Variants in MPP3 observed in about 807,000 individuals in gnomAD.
MPP3 encodes the protein MAGUK p55 scaffold protein 3, also known as MAGUK p55 subfamily member 3.
MPP3 carries 48 observed loss-of-function variants against 80.7 expected under a neutral mutation model. The observed-to-expected ratio is 0.59, with a 90% CI of 0.47 to 0.76. The LOEUF is 0.76. MPP3 is among the 30% of genes least tolerant of loss of function. The probability of loss-of-function intolerance (pLI) is 0.00; values close to 1 mark genes in which losing one functional copy is unlikely to be tolerated. For synonymous variants in MPP3, 311 were observed against 297.6 expected (o/e 1.04, Z -0.46); for missense variants, 620 against 763.0 (o/e 0.81, Z 2.21).
rs374186304 is a variant in MPP3 at position 43,827,249 on chromosome 17, C to T, written c.523+502G>A. The stretch of plus-strand genomic sequence containing the variant: ...CAGGCTGGTCTCGAACTCCCGACCT[C>T]AGGTGATCCGCCCACCTCGGCCTCC... On this transcript the variant is annotated intron_variant, in intron 8 of 19. Transcript: ENST00000398389. Among the ~76,000 whole-genome samples, 115 of 151,558 alleles carry T rather than the reference C, an allele frequency of 7.6e-4. 2 individuals carry two copies. The South Asian group carries it at 0.023, about 31-fold the overall frequency.
rs546226526 is a variant in MPP3 at position 43,825,845 on chromosome 17, G to A, written c.524-4C>T. 6.3e-7 allele frequency: 1 copy of A among 1,583,110 alleles called. No individual in the cohort carries two copies. Among genetic ancestry groups the A allele is most frequent in the South Asian group, 1.1e-5 (1 of 90,432 alleles). ...TCATCTCCAACGTGGACCAGGCCTA[G>A]GAGACACAGGGACTGACCATCAGCA... On this transcript the variant is annotated splice_region_variant and splice_polypyrimidine_tract_variant and intron_variant, in intron 8 of 19. Coordinates refer to ENST00000398389, the MANE Select transcript of MPP3 (RefSeq NM_001932.6).
At chr17:43,827,329 CTT>C (rs1197926220) in intron 8 of MPP3, among the ~76,000 whole-genome samples, 4 of 99,002 alleles carry the variant, frequency 4.0e-5, no homozygotes, top group Non-Finnish European at 4.0e-5. Flanking sequence ...TTTTTTTTTT[CTT>C]TTTTTTTTTT....
chr17:43,801,010 A>C lies in MPP3; in HGVS notation c.*691T>G, dbSNP rs1344069321. 6.6e-6 allele frequency: 1 copy of C among 152,288 alleles called. No homozygotes were observed. The allele number at this position is 152,288 out of a possible 1,614,324, so 9.4% of individuals were successfully genotyped here. ...TGGAATAGAACAAATCAAACAAAGC[A>C]TGGGCTCGATGTTAGGAATCTGAGG... On this transcript the variant is annotated 3_prime_UTR_variant, in exon 20 of 20. Coordinates refer to ENST00000398389, the MANE Select transcript of MPP3 (RefSeq NM_001932.6).
chr17:43,804,442 A>G (rs1214761945), intron 19 of MPP3, among the ~76,000 whole-genome samples: 2 of 152,164 alleles, frequency 1.3e-5, no homozygotes, highest in African/African-American at 4.8e-5. Flanking sequence ...ATTAAATGAG[A>G]AAATAGTCTT....
chr17:43,808,876 G>A (rs773200633), intron 19 of MPP3, 80 bp downstream of exon 19: 9 of 1,449,376 alleles, frequency 6.2e-6, no homozygotes, highest in Non-Finnish European at 8.3e-6. Context: ...TCAGCTGCAA[G>A]CACCCTTATG....
intron 19 of MPP3, 33 bp downstream of exon 19, chr17:43,808,923 C>A: frequency 4.4e-6 from 7 of 1,581,052 alleles, no homozygotes; most frequent in Non-Finnish European, 6.0e-6. Flanking sequence ...TCCCTTAGGC[C>A]TTCAGAAAAG....
chr17:43,810,726 G>T, intron 18 of MPP3, 81 bp downstream of exon 18: 1 of 940,368 alleles, frequency 1.1e-6, no homozygotes, highest in Non-Finnish European at 1.6e-6. Flanking sequence ...CTTAGACTGA[G>T]GTTAAGTGTT....
intron 10 of MPP3, among the ~76,000 whole-genome samples, chr17:43,822,884 G>C (rs1176398619): frequency 1.3e-5 from 2 of 152,122 alleles, no homozygotes; most frequent in South Asian, 2.1e-4. Context: ...GAAGTTGCTA[G>C]GAATTAATCC....
At chr17:43,815,891 G>A (rs916258101) in intron 14 of MPP3, 147 bp downstream of exon 14, 1 of 771,920 alleles carries the variant, frequency 1.3e-6, no homozygotes, top group Admixed American at 3.0e-5. Context: ...CTTGGGTTGA[G>A]AGAACTGAGG....
rs993274158 is a variant in MPP3, at chr17:43,831,022, G to A, written c.222+222C>T. ...ACACACAGTAAGTGGGCAGCTCCAT[G>A]TCACAGTGTCTCCCAGCCCAGTCCA... On this transcript the variant is annotated intron_variant, in intron 5 of 19. Transcript: ENST00000398389. Among the ~76,000 whole-genome samples, 7 of 152,232 alleles carry A rather than the reference G, an allele frequency of 4.6e-5. No homozygotes were observed. In the East Asian group the frequency reaches 1.3e-3, roughly 29 times the overall value.
intron 5 of MPP3, among the ~76,000 whole-genome samples, chr17:43,830,583 G>C (rs1317483418): frequency 1.3e-5 from 2 of 152,186 alleles, no homozygotes; most frequent in Non-Finnish European, 2.9e-5. Flanking sequence ...AGAGCTGGTG[G>C]GACAGGCAGC....
At chr17:43,814,389 T>C in intron 14 of MPP3, 28 bp from the exon 15 acceptor site, 1 of 1,572,044 alleles carries the variant, frequency 6.4e-7, no homozygotes, top group Non-Finnish European at 8.6e-7. Context: ...AGGGACACCA[T>C]GGCATTTGTC....
rs538783049 is a variant in MPP3 at position 43,801,620 on chromosome 17, A to G, written c.*81T>C. On this transcript the variant is annotated 3_prime_UTR_variant, in exon 20 of 20. Transcript: ENST00000398389. The stretch of plus-strand genomic sequence containing the variant: ...AGAATTCTCTCCCTCTCTGCGCTTG[A>G]GATTCCTTGATGGTAAAATGAGGGA... The G allele has an allele frequency of 3.3e-5, 45 of 1,351,200 alleles. No homozygotes were observed. In the African/African-American group the frequency reaches 6.1e-4, roughly 18 times the overall value. The allele number at this position is 1,351,200 out of a possible 1,614,324, so 83.7% of individuals were successfully genotyped here.
intron 18 of MPP3, among the ~76,000 whole-genome samples, chr17:43,809,738 G>T (rs1398887468): frequency 2.0e-5 from 3 of 152,074 alleles, no homozygotes; most frequent in African/African-American, 7.2e-5. Flanking sequence ...AATTAGCCAG[G>T]CGTGGTGGCG....
chr17:43,808,216 A>G (rs754092651), intron 19 of MPP3, among the ~76,000 whole-genome samples: 7 of 152,216 alleles, frequency 4.6e-5, no homozygotes, highest in Non-Finnish European at 1.0e-4. Flanking sequence ...AGGATCCGAG[A>G]AGGCCTCCTT....
intron 8 of MPP3, among the ~76,000 whole-genome samples, chr17:43,826,472 G>A (rs187816150): frequency 8.5e-4 from 129 of 152,308 alleles, no homozygotes; most frequent in Admixed American, 8.3e-3. Flanking sequence ...CAGGGAATTC[G>A]TGGACTCGTT....
At chr17:43,817,830 A>C in intron 12 of MPP3, 6 of 389,768 alleles carry the variant, frequency 1.5e-5, no homozygotes, top group East Asian at 5.5e-5. Context: ...CATACCCCCC[A>C]GCATCATCTA....
chr17:43,831,723 C>T, intron 3 of MPP3, 46 bp from the exon 4 acceptor site: 2 of 1,523,614 alleles, frequency 1.3e-6, no homozygotes, highest in South Asian at 1.2e-5. Flanking sequence ...GCAGTGGGTG[C>T]TCCCTGCCCC....
intron 6 of MPP3, 33 bp from the exon 7 acceptor site, chr17:43,829,824 C>T: frequency 6.2e-7 from 1 of 1,611,082 alleles, no homozygotes; most frequent in Middle Eastern, 1.7e-4. Flanking sequence ...GGAAGGCTGG[C>T]CCGCCGCTCA....
Sources: gnomAD v4.1 joint callset for allele counts (sites outside exome capture counted in the v4.1 genomes callset) on GRCh38, gnomAD v4.1.1 for gene constraint, MANE v1.5 for transcripts, NCBI Gene and HGNC (gene_info 2026-07-23, HGNC 2026-07-21) for gene names.